The following VPS13B variants were observed in gnomAD, a reference collection of about 807,000 sequenced individuals.
The protein encoded by VPS13B is vacuolar protein sorting 13 homolog B, also known as intermembrane lipid transfer protein VPS13B.
Under a neutral mutation model 426.4 loss-of-function variants are expected in VPS13B, and 285 were observed. That is an observed-to-expected ratio of 0.67 (90% CI 0.61 to 0.74). VPS13B has a LOEUF of 0.74. VPS13B is among the 30% of genes least tolerant of loss of function. VPS13B has a pLI of 0.00. For missense variants in VPS13B, 4,537 were observed against 4,782.6 expected, an observed-to-expected ratio of 0.95 and a Z score of 1.51; for synonymous variants, 1,676 against 1,676.4, an observed-to-expected ratio of 1.00 and a Z score of 0.01.
At chr8:99,871,408 C>T (rs1398373965) in intron 60 of VPS13B, 40 bp from the exon 61 acceptor site, 7 of 1,613,684 alleles carry the variant, frequency 4.3e-6, no homozygotes, top group Non-Finnish European at 5.9e-6. Context: ...ACCATCTTTT[C>T]ACAGCTGGCC....
At chr8:99,724,917 C>T (rs932483980) in intron 39 of VPS13B, among the ~76,000 whole-genome samples, 4 of 152,180 alleles carry the variant, frequency 2.6e-5, no homozygotes, top group African/African-American at 9.6e-5. Context: ...CCAATTTTGC[C>T]TTGCAGTCCC....
rs534391485 is a variant in VPS13B at position 99,063,817 on chromosome 8, T to G, written c.291+25251T>G. Among the ~76,000 whole-genome samples, 4 of 152,272 alleles carry G rather than the reference T, an allele frequency of 2.6e-5. No individual in the cohort carries two copies. In the South Asian group the frequency reaches 8.3e-4, roughly 32 times the overall value. ...AGCCTAACTGGGAGACACCTCCCAG[T>G]AGGGGCCAACTGACACCTCATACAG... is the stretch of plus-strand genomic sequence containing the variant. On this transcript the variant is annotated intron_variant, in intron 3 of 61. Coordinates refer to ENST00000357162, the MANE Select transcript of VPS13B (RefSeq NM_152564.5).
chr8:99,046,694 T>C (rs897651574), intron 3 of VPS13B, among the ~76,000 whole-genome samples: 13 of 152,178 alleles, frequency 8.5e-5, no homozygotes, highest in Admixed American at 2.0e-4. Flanking sequence ...ATAGATGGCA[T>C]TTATTACATT....
intron 5 of VPS13B, among the ~76,000 whole-genome samples, chr8:99,105,200 T>C (rs970801491): frequency 2.6e-5 from 4 of 152,154 alleles, no homozygotes; most frequent in Non-Finnish European, 5.9e-5. Context: ...AAAGTGTAGG[T>C]AAGGCCCAAG....
rs1218412171 is a variant in VPS13B, at chr8:99,109,384, C to CT, written c.581-1711dup. Among the ~76,000 whole-genome samples the CT allele has an allele frequency of 5.3e-3, 752 of 140,860 alleles. 4 individuals are homozygous for CT. The highest frequency in any genetic ancestry group is 0.012 in the African/African-American group (471 of 38,502). The allele number at this position is 140,860 out of a possible 152,430, so 92.4% of individuals were successfully genotyped here. ...AATTTGAATACTTCACTTTTTCTTT[C>CT]TTTCTTTTTTTTTTTTAAGAGAGAG... On this transcript the variant is annotated intron_variant, in intron 5 of 61. Transcript: ENST00000357162.
intron 15 of VPS13B, among the ~76,000 whole-genome samples, chr8:99,162,337 T>C (rs1322433605): frequency 6.6e-6 from 1 of 152,224 alleles, no homozygotes; most frequent in East Asian, 1.9e-4. Flanking sequence ...TATATAATTT[T>C]CAATTAAGTA....
chr8:99,531,354 G>C (rs1822924080), intron 30 of VPS13B, among the ~76,000 whole-genome samples: 1 of 152,102 alleles, frequency 6.6e-6, no homozygotes, highest in South Asian at 2.1e-4. Flanking sequence ...GTAATGACCA[G>C]ATAAATATTT....
chr8:99,029,276 C>G (rs553711618), intron 2 of VPS13B, among the ~76,000 whole-genome samples: 6 of 150,274 alleles, frequency 4.0e-5, no homozygotes, highest in African/African-American at 1.5e-4. Flanking sequence ...CGGGCAGAGA[C>G]GCTCCTCACT....
At chr8:99,240,836 C>T (rs1284948463) in intron 17 of VPS13B, 1 of 152,592 alleles carries the variant, frequency 6.6e-6, no homozygotes, top group Non-Finnish European at 1.5e-5. Context: ...TCCAAAAATA[C>T]TAACCCATAT....
intron 17 of VPS13B, among the ~76,000 whole-genome samples, chr8:99,194,507 C>G (rs1813788414): frequency 6.6e-6 from 1 of 152,158 alleles, no homozygotes; most frequent in Non-Finnish European, 1.5e-5. Context: ...TTTTTAGATA[C>G]CACATTTAAG....
At chr8:99,411,400 G>C in intron 21 of VPS13B, among the ~76,000 whole-genome samples, 1 of 152,128 alleles carries the variant, frequency 6.6e-6, no homozygotes, top group East Asian at 1.9e-4. Flanking sequence ...CCCACTTTTT[G>C]ATGGGGTTGT....
At chr8:99,520,677 T>C (rs1358960595) in intron 29 of VPS13B, among the ~76,000 whole-genome samples, 2 of 152,134 alleles carry the variant, frequency 1.3e-5, no homozygotes, top group Non-Finnish European at 1.5e-5. Flanking sequence ...TTTGCTATTT[T>C]AATTGTGTAT....
intron 30 of VPS13B, among the ~76,000 whole-genome samples, chr8:99,544,015 T>C (rs1823800690): frequency 6.8e-6 from 1 of 146,008 alleles, no homozygotes; most frequent in Non-Finnish European, 1.5e-5. Context: ...CATGCACACG[T>C]ATGTTTATTG....
intron 16 of VPS13B, among the ~76,000 whole-genome samples, chr8:99,189,536 ATT>A (rs11297612): frequency 2.6e-5 from 4 of 151,718 alleles, no homozygotes; most frequent in African/African-American, 9.7e-5. Flanking sequence ...TTTAGACAAG[ATT>A]TTTTTTTGAT....
At chr8:99,568,975 C>A (rs1405091226) in intron 31 of VPS13B, among the ~76,000 whole-genome samples, 1 of 151,922 alleles carries the variant, frequency 6.6e-6, no homozygotes, top group Non-Finnish European at 1.5e-5. Context: ...CCACGCCCGG[C>A]TAATTTTTTT....
At position 99,854,123 on chromosome 8, in the gene VPS13B, C is replaced by T; in HGVS notation, c.10734C>T (p.Leu3578=). The change falls in exon 56 of 62, where the codon CTC becomes CTT. Residue 3578 remains leucine, a synonymous_variant. Transcript: ENST00000357162. Reference sequence around the variant, plus strand: ...TGCTCGTCAGCATCCACGCTTCCCTCAAGCTGTACATAGCCTCAGACCACA... The same window carrying T: ...TGCTCGTCAGCATCCACGCTTCCCTTAAGCTGTACATAGCCTCAGACCACA... ...VNLLVSIHAS[L]KLYIASDHTP... is the part of the protein sequence containing the mutation. The T allele has an allele frequency of 6.2e-7, 1 of 1,613,266 alleles. No individual in the cohort carries two copies. The highest frequency in any genetic ancestry group is 8.5e-7 in the Non-Finnish European group (1 of 1,179,560).
chr8:99,468,302 G>T (rs1819220121), intron 24 of VPS13B, among the ~76,000 whole-genome samples: 1 of 151,632 alleles, frequency 6.6e-6, no homozygotes, highest in Non-Finnish European at 1.5e-5. Flanking sequence ...TCTATTTGAG[G>T]GTAAATAAAC....
chr8:99,529,650 T>A (rs994004106), intron 30 of VPS13B, among the ~76,000 whole-genome samples: 1 of 152,188 alleles, frequency 6.6e-6, no homozygotes, highest in African/African-American at 2.4e-5. Flanking sequence ...TCAGCACAAA[T>A]AGGAAATTGA....
At chr8:99,505,257 C>G (rs1489067502) in intron 27 of VPS13B, among the ~76,000 whole-genome samples, 1 of 152,184 alleles carries the variant, frequency 6.6e-6, no homozygotes, top group Non-Finnish European at 1.5e-5. Context: ...GCAGCACTTT[C>G]AATTTTCTTC....
Sources: gnomAD v4.1 joint callset for allele counts (sites outside exome capture counted in the v4.1 genomes callset) on GRCh38, gnomAD v4.1.1 for gene constraint, MANE v1.5 for transcripts, NCBI Gene and HGNC (gene_info 2026-07-23, HGNC 2026-07-21) for gene names.